Variants in GALNT13 observed in about 807,000 individuals in gnomAD.
The protein encoded by GALNT13 is UDP-GalNAc:polypeptide N-acetylgalactosaminyltransferase 13.
GALNT13 carries 28 observed loss-of-function variants against 64.2 expected under a neutral mutation model. The ratio of observed to expected loss-of-function variants is 0.44; its 90% CI spans 0.32 to 0.60. The LOEUF (loss-of-function observed/expected upper bound fraction) is 0.60. Among genes scored for constraint, GALNT13 ranks in the 20% least tolerant of loss-of-function variants. GALNT13 has a pLI of 0.05. For missense variants in GALNT13, 577 were observed against 669.8 expected (o/e 0.86, Z 1.53); for synonymous variants, 214 against 224.6 (o/e 0.95, Z 0.42).
intron 4 of GALNT13, among the ~76,000 whole-genome samples, chr2:154,178,612 G>T (rs1559007655): frequency 2.0e-5 from 3 of 152,068 alleles, no homozygotes; most frequent in Non-Finnish European, 4.4e-5. Flanking sequence ...ATCTGCACAC[G>T]GAGTTGGTCA....
the GALNT13 span, among the ~76,000 whole-genome samples, chr2:153,118,295 A>G: frequency 2.0e-5 from 3 of 152,128 alleles, no homozygotes; most frequent in Non-Finnish European, 4.4e-5. Flanking sequence ...ATTTCTTGCA[A>G]TGCACTGTGC....
the GALNT13 span, among the ~76,000 whole-genome samples, chr2:153,577,423 T>TA: frequency 1.3e-3 from 196 of 152,132 alleles, 7 homozygotes; most frequent in South Asian, 0.038. Context: ...TCCAATTAAT[T>TA]AAAAAAATCC....
intron 3 of GALNT13, among the ~76,000 whole-genome samples, chr2:154,098,619 G>A (rs1702193135): frequency 6.6e-6 from 1 of 151,872 alleles, no homozygotes; most frequent in African/African-American, 2.4e-5. Context: ...TATTATTTCT[G>A]TCTTTATGTT....
the GALNT13 span, among the ~76,000 whole-genome samples, chr2:153,757,974 A>G: frequency 6.6e-6 from 1 of 152,104 alleles, no homozygotes; most frequent in Admixed American, 6.6e-5. Context: ...ACCCTACAGA[A>G]GTTTTAAGTG....
the GALNT13 span, among the ~76,000 whole-genome samples, chr2:153,857,490 G>C: frequency 1.3e-5 from 2 of 152,134 alleles, no homozygotes; most frequent in African/African-American, 2.4e-5. Context: ...AACCAAGTAG[G>C]CAGCTGTGAG....
the GALNT13 span, among the ~76,000 whole-genome samples, chr2:153,621,854 T>C: frequency 6.6e-6 from 1 of 152,098 alleles, no homozygotes; most frequent in African/African-American, 2.4e-5. Context: ...GGCTCCCCTC[T>C]GGCTGAGGGA....
chr2:153,858,908 T>A, the GALNT13 span, among the ~76,000 whole-genome samples: 1 of 151,904 alleles, frequency 6.6e-6, no homozygotes, highest in Non-Finnish European at 1.5e-5. Context: ...AATTTTTGTA[T>A]TTTTTAGTAG....
chr2:153,245,472 T>C, the GALNT13 span, among the ~76,000 whole-genome samples: 1 of 152,154 alleles, frequency 6.6e-6, no homozygotes, highest in Non-Finnish European at 1.5e-5. Context: ...TTCTGCACCC[T>C]CCACTGGTAT....
the GALNT13 span, among the ~76,000 whole-genome samples, chr2:153,804,505 G>T: frequency 1.3e-5 from 2 of 152,126 alleles, no homozygotes; most frequent in Non-Finnish European, 2.9e-5. Context: ...GGGAATGAGT[G>T]AAAGGTGACA....
chr2:153,166,963 G>C, the GALNT13 span, among the ~76,000 whole-genome samples: 2 of 152,192 alleles, frequency 1.3e-5, no homozygotes, highest in Non-Finnish European at 2.9e-5. Flanking sequence ...GAAACCCCAG[G>C]CTCAGTATCA....
At chr2:153,752,607 T>C in the GALNT13 span, among the ~76,000 whole-genome samples, 3 of 152,170 alleles carry the variant, frequency 2.0e-5, no homozygotes, top group Non-Finnish European at 2.9e-5. Context: ...GAAAATCTGT[T>C]GCCAGACATA....
chr2:153,212,924 T>C, the GALNT13 span, among the ~76,000 whole-genome samples: 1 of 152,230 alleles, frequency 6.6e-6, no homozygotes, highest in African/African-American at 2.4e-5. Context: ...AGAAACTAGA[T>C]TTTTCTGTCT....
At chr2:153,526,906 G>A in the GALNT13 span, among the ~76,000 whole-genome samples, 1 of 152,126 alleles carries the variant, frequency 6.6e-6, no homozygotes. Context: ...TTGGTGTAAT[G>A]AAGAAGCATC....
chr2:153,965,232 T>C (rs947764542), intron 3 of GALNT13, among the ~76,000 whole-genome samples: 1 of 152,190 alleles, frequency 6.6e-6, no homozygotes, highest in Non-Finnish European at 1.5e-5. Flanking sequence ...TAGTTATTTT[T>C]AAATATACAA....
At chr2:154,311,645 T>C (rs1417606230) in intron 9 of GALNT13, among the ~76,000 whole-genome samples, 8 of 152,168 alleles carry the variant, frequency 5.3e-5, no homozygotes, top group African/African-American at 1.9e-4. Flanking sequence ...GATCAACCAG[T>C]CTGACCAAAG....
At chr2:153,252,599 T>C in the GALNT13 span, among the ~76,000 whole-genome samples, 1 of 152,152 alleles carries the variant, frequency 6.6e-6, no homozygotes, top group Non-Finnish European at 1.5e-5. Flanking sequence ...GTTTTTACGG[T>C]TTTAGGTCTA....
At position 154,135,329 on chromosome 2, in the gene GALNT13, G is replaced by A. The variant is rs1056351832; in HGVS notation, c.143-5008G>A. 4.6e-5 allele frequency among the ~76,000 whole-genome samples: 7 copies of A among 152,142 alleles called. No individual in the cohort carries two copies. In the East Asian group the frequency reaches 1.3e-3, roughly 29 times the overall value. On this transcript the variant is annotated intron_variant, in intron 3 of 12. Transcript: ENST00000392825. ...GGATAATCTCTCTTAGCTAGCTGAT[G>A]TAAAATGCTACCTTATTGATTATCT... is the stretch of plus-strand genomic sequence containing the variant.
At chr2:153,523,995 A>AT in the GALNT13 span, among the ~76,000 whole-genome samples, 8 of 152,050 alleles carry the variant, frequency 5.3e-5, no homozygotes, top group Non-Finnish European at 5.9e-5. Flanking sequence ...TTTACTGGGA[A>AT]TTTTTTTTAA....
chr2:153,532,681 C>T, the GALNT13 span, among the ~76,000 whole-genome samples: 65 of 152,142 alleles, frequency 4.3e-4, no homozygotes, highest in African/African-American at 1.5e-3. Context: ...TCCTTGCTTA[C>T]ACATGTGAGC....
Sources: gnomAD v4.1 joint callset for allele counts (sites outside exome capture counted in the v4.1 genomes callset) on GRCh38, gnomAD v4.1.1 for gene constraint, MANE v1.5 for transcripts, NCBI Gene and HGNC (gene_info 2026-07-23, HGNC 2026-07-21) for gene names.